The following PARD3B variants were observed in gnomAD, a reference collection of about 807,000 sequenced individuals.
The protein encoded by PARD3B is partitioning defective 3 homolog B.
PARD3B carries 103 observed loss-of-function variants against 130.2 expected under a neutral mutation model. The ratio of observed to expected loss-of-function variants is 0.79; its 90% CI spans 0.67 to 0.93. PARD3B has a LOEUF of 0.93. PARD3B is among the 40% of genes least tolerant of loss of function. PARD3B has a pLI of 0.00. For synonymous variants in PARD3B, 583 were observed against 553.2 expected (o/e 1.05, Z -0.76); for missense variants, 1,609 against 1,499.2 (o/e 1.07, Z -1.21).
At chr2:205,071,318 G>A (rs927826433) in intron 4 of PARD3B, among the ~76,000 whole-genome samples, 5 of 152,078 alleles carry the variant, frequency 3.3e-5, no homozygotes, top group African/African-American at 1.2e-4. Flanking sequence ...CACACTTGCC[G>A]CCATTCTTCT....
At chr2:205,143,228 G>A (rs182511695) in intron 10 of PARD3B, among the ~76,000 whole-genome samples, 89 of 152,182 alleles carry the variant, frequency 5.8e-4, no homozygotes, top group Admixed American at 1.6e-3. Context: ...AAAAATTGTG[G>A]GTTTGCGCCA....
chr2:205,455,855 G>T (rs940919198), intron 20 of PARD3B, among the ~76,000 whole-genome samples: 5 of 151,942 alleles, frequency 3.3e-5, no homozygotes, highest in Non-Finnish European at 7.4e-5. Context: ...TGTCACACAG[G>T]TAGATCCACG....
intron 10 of PARD3B, among the ~76,000 whole-genome samples, chr2:205,138,734 G>T (rs1205423289): frequency 6.6e-6 from 1 of 152,160 alleles, no homozygotes; most frequent in African/African-American, 2.4e-5. Context: ...AATGGGAATG[G>T]GCTGCATGAA....
At chr2:205,410,842 A>G (rs1359569786) in intron 19 of PARD3B, among the ~76,000 whole-genome samples, 1 of 152,162 alleles carries the variant, frequency 6.6e-6, no homozygotes, top group Non-Finnish European at 1.5e-5. Flanking sequence ...GGCAAACTCT[A>G]TATGATTTGA....
At chr2:204,866,685 A>ATGTGTATATATATGTTTATG (rs1559212002) in intron 2 of PARD3B, among the ~76,000 whole-genome samples, 2 of 151,878 alleles carry the variant, frequency 1.3e-5, no homozygotes, top group East Asian at 3.9e-4. Flanking sequence ...ATACATATAT[A>ATGTGTATATATATGTTTATG]TGTGTATATA....
chr2:204,731,039 G>A (rs947896369), intron 2 of PARD3B, among the ~76,000 whole-genome samples: 4 of 152,204 alleles, frequency 2.6e-5, no homozygotes, highest in African/African-American at 9.6e-5. Flanking sequence ...TTGATGCACT[G>A]TAAGATATTT....
intron 2 of PARD3B, among the ~76,000 whole-genome samples, chr2:204,942,660 G>C (rs1401507031): frequency 6.6e-6 from 1 of 151,806 alleles, no homozygotes; most frequent in South Asian, 2.1e-4. Flanking sequence ...CAAACACTTT[G>C]GTCACCAGTG....
chr2:204,715,489 T>TC (rs1315476676), intron 2 of PARD3B, among the ~76,000 whole-genome samples: 1 of 151,992 alleles, frequency 6.6e-6, no homozygotes, highest in African/African-American at 2.4e-5. Flanking sequence ...TTTTTCTTTT[T>TC]TTTTTTTTTT....
chr2:204,914,963 G>A (rs1208896240), intron 2 of PARD3B, among the ~76,000 whole-genome samples: 2 of 152,136 alleles, frequency 1.3e-5, no homozygotes, highest in African/African-American at 4.8e-5. Context: ...CTCAGAACGC[G>A]AGCCAGATGC....
intron 18 of PARD3B, among the ~76,000 whole-genome samples, chr2:205,315,941 T>G (rs2042549432): frequency 6.6e-6 from 1 of 152,168 alleles, no homozygotes. Context: ...TGCTTGGTTT[T>G]TAGTTTTGAG....
intron 2 of PARD3B, among the ~76,000 whole-genome samples, chr2:204,790,037 A>AT (rs1442642731): frequency 2.6e-5 from 4 of 151,718 alleles, no homozygotes; most frequent in East Asian, 3.9e-4. Context: ...CACCTGGCTA[A>AT]TTTTTTGTAT....
intron 20 of PARD3B, among the ~76,000 whole-genome samples, chr2:205,455,731 C>T (rs1479263470): frequency 6.6e-6 from 1 of 151,770 alleles, no homozygotes. Flanking sequence ...TGAGAAGTTC[C>T]TTGTACCCTT....
At chr2:205,533,696 G>C (rs1005456239) in intron 21 of PARD3B, among the ~76,000 whole-genome samples, 6 of 152,082 alleles carry the variant, frequency 3.9e-5, no homozygotes, top group Non-Finnish European at 7.4e-5. Context: ...AAAAGACATA[G>C]ATTTTAACAT....
rs767105045 is a variant in PARD3B, at chr2:205,185,840, G to A, written c.2001G>A (p.Leu667=). The A allele has an allele frequency of 6.2e-7, 1 of 1,613,794 alleles. No homozygotes were observed. The highest frequency in any genetic ancestry group is 8.5e-7 in the Non-Finnish European group (1 of 1,179,714). Residue 667 remains leucine (L), a synonymous_variant, in exon 14 of 23, where the codon TTG becomes TTA. Coordinates refer to ENST00000406610, the MANE Select transcript of PARD3B (RefSeq NM_001302769.2). ...CAACACCACATTCTGCTCTGGGATT[G>A]GGCCTCGAAGATTACAGCCACAGGT... The part of the protein sequence containing the change: ...PSPTPHSALG[L]GLEDYSHSSG...
intron 2 of PARD3B, among the ~76,000 whole-genome samples, chr2:204,933,090 C>G (rs1163142291): frequency 6.6e-6 from 1 of 152,166 alleles, no homozygotes; most frequent in African/African-American, 2.4e-5. Context: ...ACTGATTGCT[C>G]TAAGGTGTCT....
At chr2:205,124,558 TA>T (rs2031157219) in intron 9 of PARD3B, 92 bp downstream of exon 9, 1 of 899,848 alleles carries the variant, frequency 1.1e-6, no homozygotes, top group Non-Finnish European at 1.5e-6. Context: ...AATATATTAA[TA>T]TTTTTATTTT....
At chr2:204,971,105 A>G (rs1691660479) in intron 3 of PARD3B, among the ~76,000 whole-genome samples, 1 of 152,290 alleles carries the variant, frequency 6.6e-6, no homozygotes, top group East Asian at 1.9e-4. Context: ...ACCATTTTCT[A>G]TCTGATTTTG....
intron 1 of PARD3B, among the ~76,000 whole-genome samples, chr2:204,665,468 C>A (rs1039699375): frequency 6.6e-6 from 1 of 152,122 alleles, no homozygotes; most frequent in Non-Finnish European, 1.5e-5. Flanking sequence ...CATTCCTCAA[C>A]CAGTGGATGA....
chr2:204,871,128 A>C (rs2045615446), intron 2 of PARD3B, among the ~76,000 whole-genome samples: 1 of 152,080 alleles, frequency 6.6e-6, no homozygotes, highest in Non-Finnish European at 1.5e-5. Context: ...GCTCTCTTTA[A>C]TTTTAGGCCC....
Sources: gnomAD v4.1 joint callset for allele counts (sites outside exome capture counted in the v4.1 genomes callset) on GRCh38, gnomAD v4.1.1 for gene constraint, MANE v1.5 for transcripts, NCBI Gene and HGNC (gene_info 2026-07-23, HGNC 2026-07-21) for gene names.